Variants in ZNF609 observed in about 807,000 individuals in gnomAD.
ZNF609 encodes zinc finger protein 609.
ZNF609 carries 11 observed loss-of-function variants against 109.5 expected under a neutral mutation model. That is an observed-to-expected ratio of 0.10 (90% CI 0.06 to 0.17). The LOEUF is 0.17. Ranked by LOEUF, ZNF609 falls within the 10% of genes least tolerant of loss-of-function variation. The pLI is 1.00. For missense variants in ZNF609, 1,559 were observed against 1,772.4 expected, an observed-to-expected ratio of 0.88 and a Z score of 2.16; for synonymous variants, 646 against 662.0, an observed-to-expected ratio of 0.98 and a Z score of 0.37.
At chr15:64,546,440 T>C (rs1218318143) in intron 2 of ZNF609, among the ~76,000 whole-genome samples, 4 of 151,226 alleles carry the variant, frequency 2.6e-5, no homozygotes, top group Non-Finnish European at 5.9e-5. Context: ...TTCTTTCTTT[T>C]TTTTTTTTTG....
chr15:64,673,032 C>A (rs1431266191), intron 4 of ZNF609, among the ~76,000 whole-genome samples: 2 of 152,108 alleles, frequency 1.3e-5, no homozygotes, highest in Admixed American at 6.6e-5. Context: ...TATGCCCTCC[C>A]TTTGCATTTC....
At chr15:64,481,492 G>A (rs888650572) in intron 1 of ZNF609, among the ~76,000 whole-genome samples, 3 of 151,832 alleles carry the variant, frequency 2.0e-5, no homozygotes, top group Non-Finnish European at 2.9e-5. Flanking sequence ...AGCTAATTCT[G>A]TATTTTTAGT....
rs1294029257 is a variant in ZNF609 at position 64,682,995 on chromosome 15, G to A, written c.*1309G>A. The A allele has an allele frequency of 2.0e-5, 3 of 152,660 alleles. No homozygotes were observed. The highest frequency in any genetic ancestry group is 7.2e-5 in the African/African-American group (3 of 41,454). 9.5% of individuals were successfully genotyped at this position (152,660 alleles called of 1,614,324 possible). Reference sequence around the variant, plus strand: ...GTCTCAGAATGTACTCAGTGGAGCTGTGCTTTGAGGCAGCCAACATTTCTC... The same window carrying A: ...GTCTCAGAATGTACTCAGTGGAGCTATGCTTTGAGGCAGCCAACATTTCTC... On this transcript the variant is annotated 3_prime_UTR_variant, in exon 10 of 10. Coordinates refer to ENST00000326648, the MANE Select transcript of ZNF609 (RefSeq NM_015042.2).
At chr15:64,547,361 G>A (rs1894381891) in intron 2 of ZNF609, among the ~76,000 whole-genome samples, 1 of 152,136 alleles carries the variant, frequency 6.6e-6, no homozygotes, top group Non-Finnish European at 1.5e-5. Context: ...GGATATTTGA[G>A]AGCCTTATCT....
intron 1 of ZNF609, among the ~76,000 whole-genome samples, chr15:64,496,269 A>G (rs1031639194): frequency 1.3e-5 from 2 of 152,210 alleles, no homozygotes; most frequent in Admixed American, 6.5e-5. Context: ...TTACTCCTCC[A>G]GAGTCTCTCT....
intron 2 of ZNF609, among the ~76,000 whole-genome samples, chr15:64,513,814 G>A (rs1471122568): frequency 6.6e-6 from 1 of 152,132 alleles, no homozygotes; most frequent in Non-Finnish European, 1.5e-5. Flanking sequence ...CCAGCTGGCT[G>A]GGCAAGGTGG....
intron 1 of ZNF609, among the ~76,000 whole-genome samples, chr15:64,468,403 A>G (rs973079354): frequency 6.7e-5 from 10 of 150,350 alleles, no homozygotes; most frequent in Admixed American, 1.3e-4. Context: ...TCCAGCCTCA[A>G]TGCCACCACA....
intron 2 of ZNF609, among the ~76,000 whole-genome samples, chr15:64,557,665 G>A (rs1001213191): frequency 2.0e-5 from 3 of 152,044 alleles, no homozygotes; most frequent in Non-Finnish European, 2.9e-5. Context: ...GAATTTTTTA[G>A]GAAGCTGAAT....
chr15:64,461,764 AGCCT>A (rs1164884523), intron 1 of ZNF609, among the ~76,000 whole-genome samples: 2 of 152,132 alleles, frequency 1.3e-5, no homozygotes, highest in Non-Finnish European at 2.9e-5. Flanking sequence ...TAGGGAAGAA[AGCCT>A]GTCTGTTTCC....
At chr15:64,548,103 T>A (rs890056090) in intron 2 of ZNF609, among the ~76,000 whole-genome samples, 7 of 152,208 alleles carry the variant, frequency 4.6e-5, no homozygotes, top group Non-Finnish European at 1.0e-4. Context: ...AGGAATTTTT[T>A]AGAAGAAATG....
chr15:64,503,249 G>A (rs999554200), intron 2 of ZNF609, among the ~76,000 whole-genome samples: 2 of 152,124 alleles, frequency 1.3e-5, no homozygotes, highest in African/African-American at 4.8e-5. Flanking sequence ...CAGAGTTCTA[G>A]GAGAGACCAG....
intron 2 of ZNF609, among the ~76,000 whole-genome samples, chr15:64,619,036 C>T (rs1895841926): frequency 1.3e-5 from 2 of 152,296 alleles, no homozygotes; most frequent in South Asian, 4.1e-4. Flanking sequence ...CCCTTACCCC[C>T]TTCTGTATCA....
At chr15:64,547,130 ATTTCATT>A (rs144523614) in intron 2 of ZNF609, among the ~76,000 whole-genome samples, 21,486 of 151,940 alleles carry the variant, frequency 0.14, 2,886 homozygotes, top group African/African-American at 0.34. Flanking sequence ...AATTTTTAAA[ATTTCATT>A]TTTCATTTGT....
chr15:64,680,130 C>T (rs1378331282), intron 6 of ZNF609, 55 bp from the exon 7 acceptor site: 4 of 1,587,070 alleles, frequency 2.5e-6, no homozygotes, highest in Non-Finnish European at 3.4e-6. Context: ...CTCACTAAAG[C>T]AGAGTTTCCT....
At chr15:64,465,137 A>G (rs1465512155) in intron 1 of ZNF609, among the ~76,000 whole-genome samples, 1 of 152,068 alleles carries the variant, frequency 6.6e-6, no homozygotes, top group African/African-American at 2.4e-5. Context: ...TGTTTCTAGT[A>G]CTTGTTTATT....
At chr15:64,606,510 G>A (rs1895603706) in intron 2 of ZNF609, among the ~76,000 whole-genome samples, 1 of 137,792 alleles carries the variant, frequency 7.3e-6, no homozygotes, top group East Asian at 2.3e-4. Flanking sequence ...AGTGAGCCGA[G>A]ACCATGCCAC....
At chr15:64,623,768 C>G (rs1029845888) in intron 3 of ZNF609, among the ~76,000 whole-genome samples, 2 of 152,140 alleles carry the variant, frequency 1.3e-5, no homozygotes, top group Non-Finnish European at 1.5e-5. Context: ...TGTAAAGAGA[C>G]TTAATGGGGT....
At chr15:64,497,754 A>G (rs1426746902) in intron 1 of ZNF609, among the ~76,000 whole-genome samples, 2 of 151,708 alleles carry the variant, frequency 1.3e-5, no homozygotes, top group Non-Finnish European at 2.9e-5. Context: ...AATACAAGTT[A>G]GTCAGTCATT....
At chr15:64,463,760 G>C (rs1324778935) in intron 1 of ZNF609, among the ~76,000 whole-genome samples, 1 of 152,194 alleles carries the variant, frequency 6.6e-6, no homozygotes, top group East Asian at 1.9e-4. Context: ...CTGTCTTCAG[G>C]CCTTACTGGA....
Sources: gnomAD v4.1 joint callset for allele counts (sites outside exome capture counted in the v4.1 genomes callset) on GRCh38, gnomAD v4.1.1 for gene constraint, MANE v1.5 for transcripts, NCBI Gene and HGNC (gene_info 2026-07-23, HGNC 2026-07-21) for gene names.